Variants in LST1 observed in about 807,000 individuals in gnomAD.
The protein encoded by LST1 is leukocyte-specific transcript 1 protein.
A neutral mutation model predicts 8.5 loss-of-function variants in LST1; 9 were observed. The observed-to-expected ratio is 1.06, with a 90% CI of 0.64 to 1.85. The LOEUF is 1.85. LST1 is among the 40% of genes most tolerant of loss of function. The pLI is 0.00. For synonymous variants in LST1, 53 were observed against 50.4 expected (o/e 1.05, Z -0.21); for missense variants, 121 against 117.1 (o/e 1.03, Z -0.16).
chr6:31,587,776 T>C (rs1339304988), intron 3 of LST1, 43 bp downstream of exon 3: 2 of 1,337,722 alleles, frequency 1.5e-6, no homozygotes, highest in Admixed American at 2.1e-5. Context: ...CAGTGCCCCC[T>C]GTGCCCCCAC....
chr6:31,587,296 C>A lies in LST1; in HGVS notation c.-4C>A. 1 of 1,610,600 alleles carries A rather than the reference C, an allele frequency of 6.2e-7. No individual in the cohort carries two copies. Among genetic ancestry groups the A allele is most frequent in the Non-Finnish European group, 8.5e-7 (1 of 1,176,820 alleles). On this transcript the variant is annotated 5_prime_UTR_variant, in exon 2 of 5. Transcript: ENST00000438075. ...CTCCAGGCCAGTCCCTGATCCCTGA[C>A]CTAATGTTATCGCGGAATGATGGTA...
chr6:31,587,822 G>T, intron 3 of LST1, 89 bp downstream of exon 3: 1 of 1,520,724 alleles, frequency 6.6e-7, no homozygotes, highest in Non-Finnish European at 8.9e-7. Flanking sequence ...CCAGAACACT[G>T]CCTGGCCCTG....
intron 4 of LST1, 37 bp downstream of exon 4, chr6:31,588,003 G>T (rs772086813): frequency 1.9e-6 from 3 of 1,582,692 alleles, no homozygotes; most frequent in Non-Finnish European, 2.6e-6. Context: ...GGGCAAGAGA[G>T]ATCCTGAGTG....
At chr6:31,587,389 T>A in intron 2 of LST1, 71 bp downstream of exon 2, 24 of 1,552,084 alleles carry the variant, frequency 1.5e-5, no homozygotes, top group Non-Finnish European at 2.1e-5. Flanking sequence ...GGAACAGTGA[T>A]GTATGCAGCT....
intron 2 of LST1, 117 bp from the exon 3 acceptor site, chr6:31,587,524 A>G (rs1434088166): frequency 1.2e-6 from 1 of 805,972 alleles, no homozygotes; most frequent in Non-Finnish European, 2.0e-6. Flanking sequence ...CTGAGGGTAT[A>G]TTTTTCTGCC....
chr6:31,588,797 G>T lies in LST1; in HGVS notation c.*121G>T. The stretch of plus-strand genomic sequence containing the variant: ...TCCTCTCAGTCCATCTCGAGCCTCC[G>T]TTCAAATTGATCATCATCAAAACTT... On this transcript the variant is annotated 3_prime_UTR_variant, in exon 5 of 5. Coordinates refer to ENST00000438075, the MANE Select transcript of LST1 (RefSeq NM_205839.3). The T allele has an allele frequency of 8.6e-7, 1 of 1,159,254 alleles. No individual in the cohort carries two copies. The highest frequency in any genetic ancestry group is 1.5e-5 in the African/African-American group (1 of 65,754). The allele number at this position is 1,159,254 out of a possible 1,614,324, so 71.8% of individuals were successfully genotyped here. A position where few individuals can be genotyped will look rare whatever the true frequency, so the allele number is the denominator to read the frequency against.
At chr6:31,587,768 G>A in intron 3 of LST1, 35 bp downstream of exon 3, 1 of 1,487,440 alleles carries the variant, frequency 6.7e-7, no homozygotes, top group East Asian at 2.4e-5. Flanking sequence ...CCCTGCAGCA[G>A]TGCCCCCTGT....
Position 31,587,710 on chromosome 6 carries a change from G to A in LST1, c.89G>A (p.Cys30Tyr). The part of the protein sequence containing the change: ...LLLAVVLLSA[C>Y]LCWLHRRVKR... Reference sequence around the variant, plus strand: ...CTGGCAGTGGTCCTTCTGTCCGCCTGCCTGTGTTGGCTGCATCGAAGAGGT... The same window carrying A: ...CTGGCAGTGGTCCTTCTGTCCGCCTACCTGTGTTGGCTGCATCGAAGAGGT... Residue 30 changes from cysteine to tyrosine, a missense_variant, in exon 3 of 5, where the codon TGC becomes TAC. Transcript: ENST00000438075. The A allele has an allele frequency of 6.2e-7, 1 of 1,602,356 alleles. No homozygotes were observed. Among genetic ancestry groups the A allele is most frequent in the South Asian group, 1.1e-5 (1 of 89,208 alleles).
chr6:31,588,724 T>A lies in LST1; in HGVS notation c.*48T>A, dbSNP rs757455962. 4 of 1,603,596 alleles carry A rather than the reference T, an allele frequency of 2.5e-6. No homozygotes were observed. The highest frequency in any genetic ancestry group is 3.4e-6 in the Non-Finnish European group (4 of 1,171,420). The stretch of plus-strand genomic sequence containing the variant: ...CCCAGGCGGGTGGACAGGGTCCCCC[T>A]GTGGTCCAGCCAGTAAAAACCATGG... On this transcript the variant is annotated 3_prime_UTR_variant, in exon 5 of 5. Transcript: ENST00000438075.
chr6:31,587,991 GA>G, intron 4 of LST1, 25 bp downstream of exon 4: 1 of 1,594,306 alleles, frequency 6.3e-7, no homozygotes. Flanking sequence ...AGGGAAGGGG[GA>G]GGGCAAGAGA....
In LST1 at chr6:31,587,071, C is replaced by T. The variant is rs1000791610; in HGVS notation, c.-100-129C>T. 3.5e-5 allele frequency: 21 copies of T among 592,152 alleles called. No homozygotes were observed. The African/African-American group carries it at 3.5e-4, about 10-fold the overall frequency. The allele number at this position is 592,152 out of a possible 1,614,324, so 36.7% of individuals were successfully genotyped here. A position where few individuals can be genotyped will look rare whatever the true frequency, so the allele number is the denominator to read the frequency against. On this transcript the variant is annotated intron_variant, in intron 1 of 4. Coordinates refer to ENST00000438075, the MANE Select transcript of LST1 (RefSeq NM_205839.3). The stretch of plus-strand genomic sequence containing the variant: ...GAATCTCGGGTCTTTACTTGGGCAA[C>T]GGGCACCATGATACCCTATGTTCTG...
At chr6:31,587,851 C>A in intron 3 of LST1, 93 bp from the exon 4 acceptor site, 2 of 1,555,614 alleles carry the variant, frequency 1.3e-6, no homozygotes, top group East Asian at 2.3e-5. Context: ...GGGAAGCCAA[C>A]AGGGGAGTCC....
At chr6:31,587,873 T>TG (rs1772123775) in intron 3 of LST1, 71 bp from the exon 4 acceptor site, 73 of 1,560,838 alleles carry the variant, frequency 4.7e-5, no homozygotes, top group Middle Eastern at 1.7e-4. Flanking sequence ...CGCCTGCTGG[T>TG]GGGGGGAGCC....
At chr6:31,588,403 G>GAGAGAGA in intron 4 of LST1, 115 bp from the exon 5 acceptor site, 1 of 539,862 alleles carries the variant, frequency 1.9e-6, no homozygotes, top group Non-Finnish European at 3.0e-6. Flanking sequence ...AGAGAGAGAG[G>GAGAGAGA]GAGAGAGAGA....
rs763804608 is a variant in LST1, at chr6:31,588,480, G to T, written c.136-38G>T. The T allele has an allele frequency of 3.8e-6, 6 of 1,559,592 alleles. No individual in the cohort carries two copies. In the South Asian group the frequency reaches 7.0e-5, roughly 18 times the overall value. On this transcript the variant is annotated intron_variant, in intron 4 of 4. Transcript: ENST00000438075. Reference sequence around the variant, plus strand: ...AGAACTCACAGGGAAGGATCTGACGGCATCGCCTCCCATCAGCACCTTCTG... The same window carrying T: ...AGAACTCACAGGGAAGGATCTGACGTCATCGCCTCCCATCAGCACCTTCTG...
In LST1 at chr6:31,587,315, G is replaced by A; in HGVS notation, c.16G>A (p.Asp6Asn). The change falls in exon 2 of 5, where the codon GAT (aspartate) becomes AAT (asparagine). Residue 6 changes from aspartate to asparagine, a missense_variant. Asp to Asn is a conservative substitution (Grantham distance 23). Coordinates refer to ENST00000438075, the MANE Select transcript of LST1 (RefSeq NM_205839.3). The part of the protein sequence containing the change: MLSRN[D>N]DICIYGGLGL... Reference sequence around the variant, plus strand: ...CCCTGACCTAATGTTATCGCGGAATGATGGTAAGTAAAGTGTCTCTTGCAT... The same window carrying A: ...CCCTGACCTAATGTTATCGCGGAATAATGGTAAGTAAAGTGTCTCTTGCAT... 1 of 1,613,378 alleles carries A rather than the reference G, an allele frequency of 6.2e-7. No individual in the cohort carries two copies. Among genetic ancestry groups the A allele is most frequent in the African/African-American group, 1.3e-5 (1 of 75,018 alleles).
intron 4 of LST1, chr6:31,588,223 A>G (rs1772175698): frequency 1.7e-6 from 1 of 571,914 alleles, no homozygotes; most frequent in Non-Finnish European, 3.1e-6. Context: ...AAGAGCAATG[A>G]AAGAGAGAGA....
At chr6:31,588,411 A>G (rs1333905578) in intron 4 of LST1, 107 bp from the exon 5 acceptor site, 4 of 1,183,688 alleles carry the variant, frequency 3.4e-6, no homozygotes, top group Non-Finnish European at 4.8e-6. Context: ...AGGGAGAGAG[A>G]GAGAGAGAGA....
At chr6:31,587,804 C>A in intron 3 of LST1, 71 bp downstream of exon 3, 1 of 1,502,400 alleles carries the variant, frequency 6.7e-7, no homozygotes, top group Non-Finnish European at 9.0e-7. Context: ...CGCTTTCCCA[C>A]TGCTTTCCCA....
Sources: gnomAD v4.1 joint callset for allele counts on GRCh38, gnomAD v4.1.1 for gene constraint, MANE v1.5 for transcripts, NCBI Gene and HGNC (gene_info 2026-07-23, HGNC 2026-07-21) for gene names.